The following NCAPD3 variants were observed in gnomAD, a reference collection of about 807,000 sequenced individuals.
NCAPD3 encodes condensin-2 complex subunit D3.
NCAPD3 carries 105 observed loss-of-function variants against 182.9 expected under a neutral mutation model. That is an observed-to-expected ratio of 0.57 (90% CI 0.49 to 0.68). NCAPD3 has a LOEUF of 0.68. Among genes scored for constraint, NCAPD3 ranks in the 30% least tolerant of loss-of-function variants. The pLI, the probability that NCAPD3 is intolerant of heterozygous loss-of-function variation, is 0.00. For synonymous variants in NCAPD3, 815 were observed against 679.9 expected (o/e 1.20, Z -3.09); for missense variants, 1,944 against 1,837.0 (o/e 1.06, Z -1.07).
chr11:134,192,041 T>C (rs555239351), intron 16 of NCAPD3, among the ~76,000 whole-genome samples: 2 of 152,300 alleles, frequency 1.3e-5, no homozygotes, highest in South Asian at 4.1e-4. Context: ...GATTTTTGGA[T>C]TACGGATGCT....
At chr11:134,165,001 G>A (rs888061023) in intron 27 of NCAPD3, among the ~76,000 whole-genome samples, 1 of 150,822 alleles carries the variant, frequency 6.6e-6, no homozygotes, top group Admixed American at 6.6e-5. Flanking sequence ...CACAAACTTA[G>A]GGAAGCTGCA....
chr11:134,186,850 A>C (rs886114515), intron 16 of NCAPD3, among the ~76,000 whole-genome samples: 1 of 152,240 alleles, frequency 6.6e-6, no homozygotes, highest in African/African-American at 2.4e-5. Flanking sequence ...TTAAAAATCC[A>C]TCCACAGATG....
intron 2 of NCAPD3, among the ~76,000 whole-genome samples, chr11:134,220,002 G>C (rs2136033548): frequency 6.6e-6 from 1 of 152,130 alleles, no homozygotes; most frequent in East Asian, 1.9e-4. Flanking sequence ...CACCATCTTG[G>C]TCAGGCTGGT....
At chr11:134,196,703 AAATACTTTAC>A (rs1944636384) in intron 13 of NCAPD3, among the ~76,000 whole-genome samples, 1 of 151,964 alleles carries the variant, frequency 6.6e-6, no homozygotes, top group Admixed American at 6.6e-5. Context: ...TAGTAATCAA[AAATACTTTAC>A]ACACACACAT....
chr11:134,212,841 C>A (rs969696771), intron 3 of NCAPD3, among the ~76,000 whole-genome samples: 1 of 151,682 alleles, frequency 6.6e-6, no homozygotes, highest in African/African-American at 2.4e-5. Flanking sequence ...AGCTAATACA[C>A]CAAAAGAGAC....
chr11:134,185,551 C>T, intron 16 of NCAPD3, 25 bp from the exon 17 acceptor site: 1 of 1,546,336 alleles, frequency 6.5e-7, no homozygotes, highest in Non-Finnish European at 8.8e-7. Flanking sequence ...GATAGAAAAG[C>T]AGAATTGCAA....
intron 8 of NCAPD3, among the ~76,000 whole-genome samples, chr11:134,206,103 T>C (rs1311297374): frequency 2.0e-5 from 3 of 152,178 alleles, no homozygotes; most frequent in African/African-American, 4.8e-5. Flanking sequence ...AGAGGAAAAG[T>C]AGTCTAACAC....
Position 134,168,044 on chromosome 11 carries a change from G to A in NCAPD3, c.3525C>T (p.Ala1175=), listed in dbSNP as rs764113978. 2 of 1,614,104 alleles carry A rather than the reference G, an allele frequency of 1.2e-6. No homozygotes were observed. Among genetic ancestry groups the A allele is most frequent in the Non-Finnish European group, 1.7e-6 (2 of 1,179,984 alleles). Residue 1175 remains alanine, a synonymous_variant, in exon 27 of 35, where the codon GCC becomes GCT. Transcript: ENST00000534548. ...CTTCCTGCATGACTACATTTGCCAA[G>A]GCCATGTCATCTTCTTCCATAAGGA... ...KDLLMEEDDM[A]LANVVMQEAQ... is the part of the protein sequence containing the mutation.
In NCAPD3 at chr11:134,185,487, T is replaced by G; in HGVS notation, c.2085A>C (p.Lys695Asn). The G allele has an allele frequency of 6.2e-7, 1 of 1,612,140 alleles. No individual in the cohort carries two copies. The highest frequency in any genetic ancestry group is 1.1e-5 in the South Asian group (1 of 90,450). ...LNKAFHIWSKKEKFSPTFINN... is the reference protein window; with the variant it reads ...LNKAFHIWSKNEKFSPTFINN... ...TTATAAAAGTGGGTGAGAATTTTTC[T>G]TTCTTGGACCAGATATGAAAAGCCT... Residue 695 changes from lysine to asparagine, a missense_variant, in exon 17 of 35, where the codon AAA (lysine) becomes AAC (asparagine). Around this residue, in one of 3 missense-constraint regions of NCAPD3, gnomAD observed 1,803 missense variants for 1,674.6 expected, o/e 1.08. Coordinates refer to ENST00000534548, the MANE Select transcript of NCAPD3 (RefSeq NM_015261.3).
rs201798025 is a variant in NCAPD3, at chr11:134,161,811, T to C, written c.3654A>G (p.Pro1218=). 2.5e-6 allele frequency: 4 copies of C among 1,588,306 alleles called. No homozygotes were observed. In the East Asian group the frequency reaches 8.9e-5, roughly 36 times the overall value. ...GATAGTGCATGAGTTCCCGCAAAGC[T>C]GGGATCTTATTTTTCTCCAGCACAG... is the stretch of plus-strand genomic sequence containing the variant. The part of the protein sequence containing the change: ...LKTVLEKNKI[P]ALRELMHYLR... Residue 1218 remains proline, a synonymous_variant, in exon 28 of 35, where the codon CCA becomes CCG. Transcript: ENST00000534548.
At chr11:134,157,368 A>G (rs556290638) in intron 31 of NCAPD3, among the ~76,000 whole-genome samples, 2 of 152,354 alleles carry the variant, frequency 1.3e-5, no homozygotes, top group East Asian at 3.9e-4. Context: ...TTAAATATCC[A>G]TGGCCTTTGA....
At position 134,168,773 on chromosome 11, in the gene NCAPD3, T is replaced by C. The variant is rs548478040; in HGVS notation, c.3239+144A>G. ...TTAGGAAGCGATTCTCACGACTGTA[T>C]TTTCTTACGCCATCCTGCCAAGCCA... On this transcript the variant is annotated intron_variant, in intron 25 of 34. Transcript: ENST00000534548. 18 of 1,374,866 alleles carry C rather than the reference T, an allele frequency of 1.3e-5. No homozygotes were observed. The African/African-American group carries it at 2.5e-4, about 19-fold the overall frequency. 85.2% of individuals were successfully genotyped at this position (1,374,866 alleles called of 1,614,324 possible).
At chr11:134,209,871 A>G in intron 4 of NCAPD3, 1 of 221,080 alleles carries the variant, frequency 4.5e-6, no homozygotes, top group Non-Finnish European at 8.9e-6. Context: ...CCTGGCCAAC[A>G]TGGTGAAACC....
intron 19 of NCAPD3, 112 bp downstream of exon 19, chr11:134,184,525 A>G (rs953337987): frequency 1.4e-6 from 1 of 699,478 alleles, no homozygotes; most frequent in Non-Finnish European, 2.4e-6. Context: ...TGCGGGGGAC[A>G]TCCTTACACG....
intron 27 of NCAPD3, among the ~76,000 whole-genome samples, chr11:134,163,442 G>GT (rs1366768522): frequency 1.1e-4 from 17 of 152,110 alleles, no homozygotes; most frequent in African/African-American, 4.1e-4. Flanking sequence ...GCTCATGCCT[G>GT]TAATCCCAGC....
At position 134,209,204 on chromosome 11, in the gene NCAPD3, G is replaced by C. The variant is rs1242106393; in HGVS notation, c.735C>G (p.Val245=). 1.2e-6 allele frequency: 2 copies of C among 1,613,168 alleles called. No homozygotes were observed. Among genetic ancestry groups the C allele is most frequent in the Non-Finnish European group, 8.5e-7 (1 of 1,179,554 alleles). Residue 245 remains valine, a splice_region_variant and synonymous_variant, in exon 6 of 35, where the codon GTC becomes GTG. Transcript: ENST00000534548. ...KPQCVQNCIE[V]FVSLTNFEPV... ...GCTCAAAATTAGTTAATGAAACAAA[G>C]ACCTAGAAAACAGATATGAAGAAAA...
chr11:134,215,962 T>G (rs1938007924), intron 3 of NCAPD3, among the ~76,000 whole-genome samples: 1 of 152,208 alleles, frequency 6.6e-6, no homozygotes, highest in Non-Finnish European at 1.5e-5. Flanking sequence ...GCTGGAAAGC[T>G]GCAAGTGGCC....
upstream of NCAPD3, chr11:134,225,042 C>CT: frequency 7.1e-7 from 1 of 1,401,264 alleles, no homozygotes; most frequent in Non-Finnish European, 9.5e-7. Flanking sequence ...ATCGGGCCCT[C>CT]TGGCCTTCTT....
chr11:134,169,019 T>C lies in NCAPD3; in HGVS notation c.3137A>G (p.Lys1046Arg). 6.2e-7 allele frequency: 1 copy of C among 1,614,076 alleles called. No individual in the cohort carries two copies. The highest frequency in any genetic ancestry group is 1.1e-5 in the South Asian group (1 of 91,060). ...GEFCLAHLLL[K>R]RNPVMFFQHF... is the part of the protein sequence containing the mutation. ...TTGGAAGAACATGACAGGGTTCCTC[T>C]TCAGTAACAGGTGAGCCAGGCAAAA... The change falls in exon 25 of 35, where the codon AAG (lysine) becomes AGG (arginine). Residue 1046 changes from lysine (K) to arginine (R), a missense_variant. Transcript: ENST00000534548.
Sources: allele counts gnomAD v4.1 joint callset (sites outside exome capture counted in the v4.1 genomes callset), GRCh38; gene constraint gnomAD v4.1.1; regional missense constraint gnomAD v4.1.1; transcripts MANE v1.5; gene names NCBI Gene and HGNC (gene_info 2026-07-23, HGNC 2026-07-21).